The following ZFAND3 variants were observed in gnomAD, a reference collection of about 807,000 sequenced individuals.
ZFAND3 encodes the protein AN1-type zinc finger protein 3.
A neutral mutation model predicts 29.6 loss-of-function variants in ZFAND3; 10 were observed. The ratio of observed to expected loss-of-function variants is 0.34; its 90% confidence interval spans 0.21 to 0.57. The LOEUF (loss-of-function observed/expected upper bound fraction) is 0.57. Ranked by LOEUF, ZFAND3 falls within the 20% of genes least tolerant of loss-of-function variation. The pLI, the probability that ZFAND3 is intolerant of heterozygous loss-of-function variation, is 0.86. For missense variants in ZFAND3, 230 were observed against 304.5 expected (o/e 0.76, Z 1.82); for synonymous variants, 128 against 112.6 (o/e 1.14, Z -0.87).
intron 2 of ZFAND3, among the ~76,000 whole-genome samples, chr6:38,013,854 G>A (rs1204063866): frequency 6.6e-6 from 1 of 152,188 alleles, no homozygotes; most frequent in African/African-American, 2.4e-5. Context: ...TGGATGTTCA[G>A]CAAAAGTTAA....
rs1281551482 is a variant in ZFAND3, at chr6:37,983,656, C to T, written c.112+53657C>T. On this transcript the variant is annotated intron_variant, in intron 2 of 5. Coordinates refer to ENST00000287218, the MANE Select transcript of ZFAND3 (RefSeq NM_021943.3). ...TTACAGGCGTGAGCCACCCCCCACC[C>T]CTGGCCCCATTTTTTATCTTTTATA... 2.6e-5 allele frequency among the ~76,000 whole-genome samples: 4 copies of T among 152,120 alleles called. No homozygotes were observed. In the East Asian group the frequency reaches 7.7e-4, roughly 29 times the overall value.
At chr6:38,098,942 T>C (rs928497917) in intron 4 of ZFAND3, among the ~76,000 whole-genome samples, 1 of 152,196 alleles carries the variant, frequency 6.6e-6, no homozygotes, top group Non-Finnish European at 1.5e-5. Context: ...ATGGGGTTGC[T>C]CAGGCTAGTT....
intron 3 of ZFAND3, among the ~76,000 whole-genome samples, chr6:38,065,812 T>A (rs1335537762): frequency 6.6e-6 from 1 of 152,234 alleles, no homozygotes; most frequent in Admixed American, 6.5e-5. Flanking sequence ...GATTTGGTGA[T>A]CATAAGAGGG....
At chr6:37,972,540 A>G (rs946251269) in intron 2 of ZFAND3, among the ~76,000 whole-genome samples, 1 of 152,198 alleles carries the variant, frequency 6.6e-6, no homozygotes, top group African/African-American at 2.4e-5. Flanking sequence ...AAGAGTTAGG[A>G]CTTACCAGGT....
chr6:37,927,921 A>G (rs1761518599), intron 1 of ZFAND3, among the ~76,000 whole-genome samples: 1 of 152,236 alleles, frequency 6.6e-6, no homozygotes, highest in East Asian at 1.9e-4. Context: ...GGCAAGTTAC[A>G]TACCCTCTTG....
At chr6:38,134,825 G>T (rs1196369111) in intron 5 of ZFAND3, among the ~76,000 whole-genome samples, 1 of 152,214 alleles carries the variant, frequency 6.6e-6, no homozygotes, top group Admixed American at 6.5e-5. Flanking sequence ...CCAGCCACGA[G>T]CCTGAATAAG....
intron 4 of ZFAND3, among the ~76,000 whole-genome samples, chr6:38,108,341 G>C (rs1303155720): frequency 6.6e-6 from 1 of 152,160 alleles, no homozygotes; most frequent in African/African-American, 2.4e-5. Context: ...TTATTAGGGA[G>C]AATTGGCTCA....
intron 2 of ZFAND3, chr6:38,002,701 C>T (rs537739896): frequency 2.6e-5 from 4 of 152,022 alleles, no homozygotes; most frequent in Non-Finnish European, 5.9e-5. Flanking sequence ...ATAAAACACC[C>T]TATGATAGTC....
intron 5 of ZFAND3, among the ~76,000 whole-genome samples, chr6:38,118,100 G>A (rs1765456538): frequency 6.6e-6 from 1 of 152,192 alleles, no homozygotes; most frequent in African/African-American, 2.4e-5. Flanking sequence ...CCGTAAAGAG[G>A]GTTAGGATAG....
intron 4 of ZFAND3, among the ~76,000 whole-genome samples, chr6:38,090,850 G>C (rs1465902985): frequency 6.6e-6 from 1 of 152,192 alleles, no homozygotes. Context: ...CTCACACAAT[G>C]TATAGATTTC....
intron 1 of ZFAND3, among the ~76,000 whole-genome samples, chr6:37,829,535 G>A (rs1409665712): frequency 2.6e-5 from 4 of 152,124 alleles, no homozygotes; most frequent in Non-Finnish European, 5.9e-5. Context: ...ACTCCGGCTC[G>A]AAAAATGAAA....
At chr6:37,897,489 T>C (rs1484078510) in intron 1 of ZFAND3, among the ~76,000 whole-genome samples, 1 of 152,232 alleles carries the variant, frequency 6.6e-6, no homozygotes, top group East Asian at 1.9e-4. Context: ...TTTATATGTC[T>C]CTTGGAAGAA....
intron 2 of ZFAND3, among the ~76,000 whole-genome samples, chr6:38,050,675 C>T (rs1357725435): frequency 6.6e-6 from 1 of 152,120 alleles, no homozygotes; most frequent in Non-Finnish European, 1.5e-5. Context: ...GTCAATTAAA[C>T]CTCTTTTCTT....
intron 2 of ZFAND3, among the ~76,000 whole-genome samples, chr6:38,043,366 CCTCTCCT>C (rs1243733435): frequency 1.3e-5 from 2 of 150,694 alleles, no homozygotes; most frequent in Non-Finnish European, 3.0e-5. Context: ...TAGATTTTTG[CCTCTCCT>C]CTCTCCTCCC....
At chr6:37,929,697 A>G (rs957383114) in intron 1 of ZFAND3, among the ~76,000 whole-genome samples, 3 of 152,180 alleles carry the variant, frequency 2.0e-5, no homozygotes, top group Non-Finnish European at 4.4e-5. Flanking sequence ...TACGCAATAA[A>G]TAAAAGCAAA....
intron 2 of ZFAND3, among the ~76,000 whole-genome samples, chr6:38,039,647 T>C (rs559237231): frequency 2.0e-5 from 3 of 152,284 alleles, no homozygotes; most frequent in Middle Eastern, 3.4e-3. Flanking sequence ...ATGTAAATTT[T>C]AAAAATCAGT....
intron 1 of ZFAND3, among the ~76,000 whole-genome samples, chr6:37,908,676 TAC>T (rs1765460627): frequency 6.7e-6 from 1 of 149,750 alleles, no homozygotes; most frequent in South Asian, 2.1e-4. Context: ...TACCTTGCCC[TAC>T]ACATCTCTTC....
At chr6:37,850,421 T>TG (rs1180266637) in intron 1 of ZFAND3, among the ~76,000 whole-genome samples, 1 of 152,234 alleles carries the variant, frequency 6.6e-6, no homozygotes, top group African/African-American at 2.4e-5. Flanking sequence ...ACTGCCCTCA[T>TG]GTATCCTGCA....
chr6:37,851,146 C>T (rs935915220), intron 1 of ZFAND3, among the ~76,000 whole-genome samples: 4 of 149,374 alleles, frequency 2.7e-5, no homozygotes, highest in Admixed American at 1.3e-4. Context: ...CTAATTTTAT[C>T]GTTTTCTTTT....
Sources: gnomAD v4.1 joint callset for allele counts (sites outside exome capture counted in the v4.1 genomes callset) on GRCh38, gnomAD v4.1.1 for gene constraint, MANE v1.5 for transcripts, NCBI Gene and HGNC (gene_info 2026-07-23, HGNC 2026-07-21) for gene names.